The following CEP63 variants were observed in gnomAD, a reference collection of about 807,000 sequenced individuals.
The protein encoded by CEP63 is centrosomal protein of 63 kDa.
Under a neutral mutation model 89.1 loss-of-function variants are expected in CEP63, and 84 were observed. The observed-to-expected ratio is 0.94, with a 90% confidence interval of 0.79 to 1.13. The LOEUF (loss-of-function observed/expected upper bound fraction) is 1.13. Among genes scored for constraint, CEP63 ranks in the 50% most tolerant of loss-of-function variants. CEP63 has a pLI of 0.00. For synonymous variants in CEP63, 267 were observed against 272.5 expected (o/e 0.98, Z 0.20); for missense variants, 838 against 813.3 (o/e 1.03, Z -0.37).
chr3:134,731,242 A>C, the CEP63 span, among the ~76,000 whole-genome samples: 1 of 152,196 alleles, frequency 6.6e-6, no homozygotes, highest in African/African-American at 2.4e-5. Flanking sequence ...CCATATTTGA[A>C]TAGTATGATA....
the CEP63 span, among the ~76,000 whole-genome samples, chr3:134,725,866 A>C: frequency 5.9e-5 from 9 of 152,178 alleles, no homozygotes; most frequent in Non-Finnish European, 1.0e-4. Flanking sequence ...AGGCCCTGGC[A>C]GGTCAGGGGG....
intron 14 of CEP63, among the ~76,000 whole-genome samples, 175 bp from the exon 15 acceptor site, chr3:134,561,202 C>T (rs1304735763): frequency 6.6e-6 from 1 of 152,132 alleles, no homozygotes; most frequent in East Asian, 1.9e-4. Context: ...TTTTGCAGAA[C>T]TTACTGATTT....
At chr3:134,504,144 C>T (rs1942860792) in intron 2 of CEP63, among the ~76,000 whole-genome samples, 2 of 148,532 alleles carry the variant, frequency 1.3e-5, no homozygotes, top group African/African-American at 2.5e-5. Context: ...TGTTTGATGC[C>T]TTTCTCTTTC....
At chr3:134,650,847 G>C in the CEP63 span, 1 of 1,606,682 alleles carries the variant, frequency 6.2e-7, no homozygotes, top group Non-Finnish European at 8.5e-7. Flanking sequence ...GCAGCAGCGA[G>C]CTCGGGTTCG....
At chr3:134,741,392 G>T in the CEP63 span, among the ~76,000 whole-genome samples, 1 of 152,082 alleles carries the variant, frequency 6.6e-6, no homozygotes, top group Non-Finnish European at 1.5e-5. Flanking sequence ...AGTTGTTAGG[G>T]GTAGAGAGTG....
intron 11 of CEP63, among the ~76,000 whole-genome samples, chr3:134,573,141 T>G (rs1018089899): frequency 1.3e-5 from 2 of 152,222 alleles, no homozygotes; most frequent in African/African-American, 4.8e-5. Context: ...TTTAAGTTCC[T>G]TATAGATTCT....
chr3:134,589,356 A>G (rs1577527947), downstream of CEP63, among the ~76,000 whole-genome samples: 1 of 152,262 alleles, frequency 6.6e-6, no homozygotes, highest in African/African-American at 2.4e-5. Flanking sequence ...ATAATCTATT[A>G]TGACCAAGCT....
At chr3:134,528,555 TGTGTGTGTGTGTGC>T (rs1206521191) in intron 3 of CEP63, among the ~76,000 whole-genome samples, 3 of 126,510 alleles carry the variant, frequency 2.4e-5, no homozygotes, top group African/African-American at 8.8e-5. Flanking sequence ...TAAGGAGGGG[TGTGTGTGTGTGTGC>T]GTGTGTGTGT....
At chr3:134,514,977 A>G (rs1450003726) in intron 3 of CEP63, among the ~76,000 whole-genome samples, 2 of 152,184 alleles carry the variant, frequency 1.3e-5, no homozygotes, top group African/African-American at 2.4e-5. Flanking sequence ...CAGCCTCCCA[A>G]GTACCTGGGA....
intron 1 of CEP63, among the ~76,000 whole-genome samples, chr3:134,489,952 C>T (rs1362238599): frequency 1.3e-5 from 2 of 152,136 alleles, no homozygotes; most frequent in Non-Finnish European, 2.9e-5. Context: ...TTAAAGTTGG[C>T]TCCTATTCCA....
downstream of CEP63, among the ~76,000 whole-genome samples, chr3:134,590,502 C>T (rs1323052679): frequency 6.6e-6 from 1 of 152,130 alleles, no homozygotes; most frequent in East Asian, 1.9e-4. Flanking sequence ...ATGTTCAAGA[C>T]TCCACAAAAA....
the CEP63 span, among the ~76,000 whole-genome samples, chr3:134,661,361 C>A: frequency 6.6e-6 from 1 of 152,226 alleles, no homozygotes; most frequent in Non-Finnish European, 1.5e-5. Context: ...TTTGTCCATT[C>A]ACCCATTCTT....
the CEP63 span, among the ~76,000 whole-genome samples, chr3:134,675,806 T>C: frequency 1.3e-5 from 2 of 152,130 alleles, no homozygotes; most frequent in African/African-American, 4.8e-5. Context: ...ATTAGGAAAA[T>C]GCAAATTAAA....
At chr3:134,669,318 A>G in the CEP63 span, among the ~76,000 whole-genome samples, 2 of 152,052 alleles carry the variant, frequency 1.3e-5, no homozygotes, top group Admixed American at 1.3e-4. Flanking sequence ...GTGAGCCACC[A>G]CACCTGGCCC....
At chr3:134,721,879 T>G in the CEP63 span, among the ~76,000 whole-genome samples, 2 of 152,142 alleles carry the variant, frequency 1.3e-5, no homozygotes, top group South Asian at 4.1e-4. Flanking sequence ...TGTTAGTATT[T>G]TGTTGAGGGT....
the CEP63 span, among the ~76,000 whole-genome samples, chr3:134,613,634 G>A: frequency 1.3e-5 from 2 of 152,198 alleles, no homozygotes; most frequent in Non-Finnish European, 2.9e-5. Flanking sequence ...GAAGGCTGTG[G>A]GGAATGCCTG....
intron 2 of CEP63, among the ~76,000 whole-genome samples, chr3:134,496,883 A>G (rs987047174): frequency 2.6e-5 from 4 of 152,182 alleles, no homozygotes; most frequent in African/African-American, 9.7e-5. Flanking sequence ...CTAATTTTAC[A>G]TTCTCACCAA....
the CEP63 span, chr3:134,608,113 T>A: frequency 2.7e-6 from 3 of 1,129,268 alleles, no homozygotes; most frequent in Non-Finnish European, 2.2e-6. Flanking sequence ...TTGCTCCCCA[T>A]CCTTGCTGGT....
intron 10 of CEP63, among the ~76,000 whole-genome samples, chr3:134,587,062 C>T (rs1958499271): frequency 6.6e-6 from 1 of 152,178 alleles, no homozygotes; most frequent in Non-Finnish European, 1.5e-5. Context: ...AATGTCTTCT[C>T]TATGCTGTTT....
Sources: allele counts gnomAD v4.1 joint callset (sites outside exome capture counted in the v4.1 genomes callset), GRCh38; gene constraint gnomAD v4.1.1; transcripts MANE v1.5; gene names NCBI Gene and HGNC (gene_info 2026-07-23, HGNC 2026-07-21).